Variants in PAK5 observed in about 807,000 individuals in gnomAD.
The protein encoded by PAK5 is serine/threonine-protein kinase PAK 5.
In PAK5, 16 loss-of-function variants were observed where a neutral mutation model predicts 65.9. The observed-to-expected ratio is 0.24, with a 90% CI of 0.16 to 0.37. The LOEUF (loss-of-function observed/expected upper bound fraction) is 0.37, where lower values mean the gene tolerates loss of function less well. Ranked by LOEUF, PAK5 falls within the 10% of genes least tolerant of loss-of-function variation. PAK5 has a pLI of 1.00. For synonymous variants in PAK5, 371 were observed against 354.9 expected (o/e 1.05, Z -0.51); for missense variants, 785 against 903.9 (o/e 0.87, Z 1.69).
At chr20:9,784,498 G>A (rs1331429405) in intron 1 of PAK5, 3 of 152,164 alleles carry the variant, frequency 2.0e-5, no homozygotes, top group Non-Finnish European at 2.9e-5. Flanking sequence ...TATACTGGGA[G>A]ACAGAAACCT....
At chr20:9,642,245 T>C (rs1315960923) in intron 3 of PAK5, among the ~76,000 whole-genome samples, 1 of 152,198 alleles carries the variant, frequency 6.6e-6, no homozygotes, top group African/African-American at 2.4e-5. Context: ...ACTTCCACAA[T>C]GGTTGAACTC....
intron 1 of PAK5, chr20:9,818,872 T>C: frequency 6.6e-6 from 1 of 152,162 alleles, no homozygotes; most frequent in East Asian, 1.9e-4. Flanking sequence ...GAAACATGGG[T>C]ATTGGACATC....
At chr20:9,540,528 C>A (rs1189803655) in intron 9 of PAK5, among the ~76,000 whole-genome samples, 1 of 152,290 alleles carries the variant, frequency 6.6e-6, no homozygotes, top group African/African-American at 2.4e-5. Context: ...AGATTCATCT[C>A]CGACGTGTGG....
rs377276354 is a variant in PAK5, at chr20:9,594,499, A to G, written c.205-13569T>C. Among the ~76,000 whole-genome samples the G allele has an allele frequency of 9.8e-5, 15 of 152,306 alleles. No individual in the cohort carries two copies. In the East Asian group the frequency reaches 1.3e-3, roughly 14 times the overall value. ...AATGAGTAACCTACTGACATTGAAAAGGATGCTGATTTGTTTCTGAATTAT... is the reference window on the plus strand; with the variant it reads ...AATGAGTAACCTACTGACATTGAAAGGGATGCTGATTTGTTTCTGAATTAT... On this transcript the variant is annotated intron_variant, in intron 3 of 9. Coordinates refer to ENST00000353224, the MANE Select transcript of PAK5 (RefSeq NM_177990.4).
chr20:9,684,795 G>T (rs569621841), intron 2 of PAK5, among the ~76,000 whole-genome samples: 1 of 152,168 alleles, frequency 6.6e-6, no homozygotes, highest in East Asian at 1.9e-4. Context: ...CTAATAAATA[G>T]GTAGAAGGTT....
chr20:9,748,069 G>A (rs2048529677), intron 1 of PAK5, among the ~76,000 whole-genome samples: 1 of 152,134 alleles, frequency 6.6e-6, no homozygotes, highest in Non-Finnish European at 1.5e-5. Flanking sequence ...CAAATCATGA[G>A]TGAACTCCCA....
intron 2 of PAK5, among the ~76,000 whole-genome samples, chr20:9,689,024 C>T (rs1425882406): frequency 6.6e-6 from 1 of 152,142 alleles, no homozygotes; most frequent in Non-Finnish European, 1.5e-5. Context: ...AGAAAATAGT[C>T]CCATCACAAT....
intron 2 of PAK5, among the ~76,000 whole-genome samples, chr20:9,685,099 C>A (rs547490433): frequency 2.0e-5 from 3 of 152,212 alleles, no homozygotes; most frequent in Non-Finnish European, 4.4e-5. Flanking sequence ...CTTCCCTTGT[C>A]TTTCCATAGC....
At chr20:9,802,932 A>ATATATATATATATATATG (rs1171891650) in intron 1 of PAK5, among the ~76,000 whole-genome samples, 1 of 138,450 alleles carries the variant, frequency 7.2e-6, no homozygotes, top group Non-Finnish European at 1.6e-5. Context: ...ATATATATAT[A>ATATATATATATATATATG]TGAATTACTA....
chr20:9,644,453 C>T (rs1403347622), intron 2 of PAK5, 114 bp from the exon 3 acceptor site: 1 of 663,490 alleles, frequency 1.5e-6, no homozygotes, highest in Non-Finnish European at 2.5e-6. Flanking sequence ...TCCTCTAGAT[C>T]CCAGCTGCAA....
At chr20:9,802,908 G>GTTTATATATATATATATATA (rs2049185951) in intron 1 of PAK5, among the ~76,000 whole-genome samples, 1 of 1,940 alleles carries the variant, frequency 5.2e-4, no homozygotes, top group Non-Finnish European at 8.9e-4. Flanking sequence ...GTATATGTAT[G>GTTTATATATATATATATATA]TGTATATATA....
At chr20:9,710,963 T>C (rs2048070824) in intron 2 of PAK5, among the ~76,000 whole-genome samples, 4 of 152,184 alleles carry the variant, frequency 2.6e-5, no homozygotes, top group Admixed American at 2.6e-4. Context: ...GCTCAAACTC[T>C]CTAAGTGTTC....
At chr20:9,661,272 A>C (rs967194342) in intron 2 of PAK5, among the ~76,000 whole-genome samples, 2 of 152,268 alleles carry the variant, frequency 1.3e-5, no homozygotes, top group Non-Finnish European at 2.9e-5. Context: ...AATACCCCAA[A>C]ATATGGCATT....
intron 1 of PAK5, among the ~76,000 whole-genome samples, chr20:9,758,138 G>T (rs2048657018): frequency 1.3e-5 from 2 of 152,114 alleles, no homozygotes; most frequent in Non-Finnish European, 2.9e-5. Flanking sequence ...ACTTTCTGGG[G>T]CAACAAAGAA....
At chr20:9,624,689 C>T (rs558849834) in intron 3 of PAK5, among the ~76,000 whole-genome samples, 27 of 151,976 alleles carry the variant, frequency 1.8e-4, no homozygotes, top group Non-Finnish European at 2.9e-4. Flanking sequence ...GTCTCCTGAG[C>T]TGGGTGGAGC....
chr20:9,577,321 T>C (rs950164287), intron 4 of PAK5: 1 of 152,104 alleles, frequency 6.6e-6, no homozygotes, highest in Non-Finnish European at 1.5e-5. Context: ...AAGGATTTTT[T>C]TTTTCTGTGG....
intron 3 of PAK5, among the ~76,000 whole-genome samples, chr20:9,615,535 G>A (rs2046639693): frequency 6.6e-6 from 1 of 152,198 alleles, no homozygotes; most frequent in Admixed American, 6.5e-5. Context: ...AACAGATGTA[G>A]GCTAGATTTG....
At chr20:9,802,719 G>A (rs1342351094) in intron 1 of PAK5, among the ~76,000 whole-genome samples, 2 of 151,424 alleles carry the variant, frequency 1.3e-5, no homozygotes, top group African/African-American at 4.9e-5. Context: ...GGACAGGGGT[G>A]GGAAAGTTAG....
intron 1 of PAK5, among the ~76,000 whole-genome samples, chr20:9,771,288 T>C (rs2123676664): frequency 6.6e-6 from 1 of 152,340 alleles, no homozygotes; most frequent in East Asian, 1.9e-4. Context: ...TATATGAAAT[T>C]GACCTATTAT....
Sources: gnomAD v4.1 joint callset for allele counts (sites outside exome capture counted in the v4.1 genomes callset) on GRCh38, gnomAD v4.1.1 for gene constraint, MANE v1.5 for transcripts, NCBI Gene and HGNC (gene_info 2026-07-23, HGNC 2026-07-21) for gene names.